SEMA5A: variants seen among roughly 807,000 people sequenced by gnomAD.
The protein encoded by SEMA5A is semaphorin 5A.
In SEMA5A, 55 loss-of-function variants were observed where a neutral mutation model predicts 135.5. That is an observed-to-expected ratio of 0.41 (90% CI 0.33 to 0.51). The LOEUF is 0.51. SEMA5A is among the 20% of genes least tolerant of loss of function. SEMA5A has a pLI of 0.37. For missense variants in SEMA5A, 1,290 were observed against 1,419.9 expected (o/e 0.91, Z 1.47); for synonymous variants, 580 against 546.5 (o/e 1.06, Z -0.85).
chr5:9,387,419 TCAAA>T (rs1306261922), intron 2 of SEMA5A, among the ~76,000 whole-genome samples: 4 of 152,192 alleles, frequency 2.6e-5, no homozygotes, highest in African/African-American at 7.2e-5. Flanking sequence ...CTCAGAGTAG[TCAAA>T]CAAAGAAAAA....
intron 1 of SEMA5A, among the ~76,000 whole-genome samples, chr5:9,493,573 A>C (rs987007201): frequency 6.6e-6 from 1 of 152,194 alleles, no homozygotes; most frequent in Non-Finnish European, 1.5e-5. Context: ...GGAACTAAGA[A>C]GAGAAAAATC....
chr5:9,128,338 G>A (rs1741227190), intron 13 of SEMA5A, among the ~76,000 whole-genome samples: 1 of 152,224 alleles, frequency 6.6e-6, no homozygotes, highest in Admixed American at 6.5e-5. Context: ...TCTGGCCAAT[G>A]AGACTCAAGA....
At chr5:9,122,392 C>G (rs1740859008) in intron 14 of SEMA5A, among the ~76,000 whole-genome samples, 1 of 152,162 alleles carries the variant, frequency 6.6e-6, no homozygotes, top group African/African-American at 2.4e-5. Context: ...GGATGTTTTC[C>G]TTAAACAAAG....
chr5:9,154,059 AAAAATATATATAT>A (rs1236066491), intron 12 of SEMA5A, among the ~76,000 whole-genome samples: 1 of 49,006 alleles, frequency 2.0e-5, no homozygotes, highest in African/African-American at 5.1e-5. Context: ...AAAAAAAAAA[AAAAATATATATAT>A]ATATATATAT....
intron 1 of SEMA5A, among the ~76,000 whole-genome samples, chr5:9,522,414 C>A (rs892776627): frequency 6.6e-6 from 1 of 152,088 alleles, no homozygotes; most frequent in Non-Finnish European, 1.5e-5. Flanking sequence ...GAAACCCTGT[C>A]TCTACTAAAA....
chr5:9,130,361 C>T (rs1741340344), intron 13 of SEMA5A, among the ~76,000 whole-genome samples: 2 of 151,988 alleles, frequency 1.3e-5, no homozygotes, highest in African/African-American at 2.4e-5. Flanking sequence ...TAGAATGTAA[C>T]AAAACAGAAT....
intron 15 of SEMA5A, 46 bp from the exon 16 acceptor site, chr5:9,108,333 T>C: frequency 6.2e-7 from 1 of 1,603,968 alleles, no homozygotes. Context: ...TTAGTGCCAC[T>C]TGAAACCACT....
In SEMA5A at chr5:9,035,330, T is replaced by C. The variant is rs1471053830; in HGVS notation, c.*7567A>G. The stretch of plus-strand genomic sequence containing the variant: ...CCAAGAGCAGTAAGAGAGCACAACA[T>C]ATTCACTTCTGTAATAATAGCTATA... On this transcript the variant is annotated 3_prime_UTR_variant, in exon 23 of 23. Coordinates refer to ENST00000382496, the MANE Select transcript of SEMA5A (RefSeq NM_003966.3). 6.6e-6 allele frequency: 1 copy of C among 152,156 alleles called. No homozygotes were observed. The highest frequency in any genetic ancestry group is 6.5e-5 in the Admixed American group (1 of 15,274). 9.4% of individuals were successfully genotyped at this position (152,156 alleles called of 1,614,324 possible).
intron 2 of SEMA5A, among the ~76,000 whole-genome samples, chr5:9,428,997 C>A (rs192684747): frequency 2.0e-5 from 3 of 152,294 alleles, no homozygotes; most frequent in Admixed American, 6.5e-5. Context: ...TATGTATTTA[C>A]AAAATACTAC....
chr5:9,132,743 T>C (rs1181717103), intron 13 of SEMA5A, among the ~76,000 whole-genome samples: 1 of 152,152 alleles, frequency 6.6e-6, no homozygotes, highest in Non-Finnish European at 1.5e-5. Context: ...CACAAGAGGG[T>C]CTGAGGTTGA....
intron 5 of SEMA5A, among the ~76,000 whole-genome samples, chr5:9,291,827 A>G (rs1751098242): frequency 6.7e-6 from 1 of 149,106 alleles, no homozygotes; most frequent in Non-Finnish European, 1.5e-5. Flanking sequence ...CAAAATTGTG[A>G]GCAAAATAAA....
intron 11 of SEMA5A, among the ~76,000 whole-genome samples, chr5:9,160,918 A>G (rs537639200): frequency 6.6e-6 from 1 of 152,234 alleles, no homozygotes; most frequent in East Asian, 1.9e-4. Context: ...TGTTTACACA[A>G]TGCTTATCAA....
chr5:9,187,401 A>T (rs998362502), intron 11 of SEMA5A, among the ~76,000 whole-genome samples: 15 of 152,186 alleles, frequency 9.9e-5, no homozygotes, highest in African/African-American at 3.6e-4. Flanking sequence ...ACAAGCTGAA[A>T]TGCTTTCTGG....
intron 2 of SEMA5A, among the ~76,000 whole-genome samples, chr5:9,418,612 C>T (rs1208429014): frequency 6.6e-6 from 1 of 152,196 alleles, no homozygotes; most frequent in Non-Finnish European, 1.5e-5. Flanking sequence ...TCACCCTCTA[C>T]ATCTGACAAC....
chr5:9,507,294 T>C (rs1735943424), intron 1 of SEMA5A, among the ~76,000 whole-genome samples: 1 of 152,208 alleles, frequency 6.6e-6, no homozygotes, highest in East Asian at 1.9e-4. Flanking sequence ...CAGATTTACA[T>C]GTTAACTAGT....
intron 5 of SEMA5A, among the ~76,000 whole-genome samples, chr5:9,262,639 C>A (rs1303430453): frequency 2.2e-5 from 1 of 44,876 alleles, no homozygotes; most frequent in Admixed American, 2.8e-4. Context: ...AGTAAACTAT[C>A]GCAAGAACAA....
chr5:9,495,643 T>G (rs1410104575), intron 1 of SEMA5A, among the ~76,000 whole-genome samples: 1 of 152,166 alleles, frequency 6.6e-6, no homozygotes, highest in Admixed American at 6.5e-5. Flanking sequence ...AAGCGTACAC[T>G]CAGCAGGATG....
intron 11 of SEMA5A, among the ~76,000 whole-genome samples, chr5:9,188,460 T>TA (rs1472373168): frequency 2.0e-5 from 3 of 152,190 alleles, no homozygotes; most frequent in Non-Finnish European, 2.9e-5. Context: ...TACTTGGACT[T>TA]ACGTGGGGAG....
chr5:9,277,893 G>C (rs1016148361), intron 5 of SEMA5A, among the ~76,000 whole-genome samples: 2 of 151,982 alleles, frequency 1.3e-5, no homozygotes, highest in Non-Finnish European at 1.5e-5. Flanking sequence ...AACCACCGTG[G>C]CACGTGTATA....
Sources: allele counts gnomAD v4.1 joint callset (sites outside exome capture counted in the v4.1 genomes callset), GRCh38; gene constraint gnomAD v4.1.1; transcripts MANE v1.5; gene names NCBI Gene and HGNC (gene_info 2026-07-23, HGNC 2026-07-21).